RAP1GDS1: variants seen among roughly 807,000 people sequenced by gnomAD.
The protein encoded by RAP1GDS1 is Rap1 GTPase-GDP dissociation stimulator 1, also known as RAP1, GTP-GDP dissociation stimulator 1.
RAP1GDS1 carries 35 observed loss-of-function variants against 71.1 expected under a neutral mutation model. The observed-to-expected ratio is 0.49, with a 90% confidence interval of 0.38 to 0.65. The LOEUF (loss-of-function observed/expected upper bound fraction) is 0.65, where lower values mean the gene tolerates loss of function less well. Ranked by LOEUF, RAP1GDS1 falls within the 30% of genes least tolerant of loss-of-function variation. RAP1GDS1 has a pLI of 0.00. For synonymous variants in RAP1GDS1, 229 were observed against 243.1 expected, an observed-to-expected ratio of 0.94 and a Z score of 0.54; for missense variants, 663 against 706.1, an observed-to-expected ratio of 0.94 and a Z score of 0.69.
chr4:98,335,233 G>A (rs533447937), intron 2 of RAP1GDS1, among the ~76,000 whole-genome samples: 38 of 152,278 alleles, frequency 2.5e-4, no homozygotes, highest in African/African-American at 8.7e-4. Context: ...GCTGGTGACT[G>A]TCCTACTGGC....
chr4:98,326,567 T>A, intron 2 of RAP1GDS1, among the ~76,000 whole-genome samples: 1 of 152,244 alleles, frequency 6.6e-6, no homozygotes, highest in Non-Finnish European at 1.5e-5. Context: ...CTACAGATCT[T>A]AATCACTTCT....
At chr4:98,320,525 C>A (rs1444205048) in intron 2 of RAP1GDS1, among the ~76,000 whole-genome samples, 1 of 151,980 alleles carries the variant, frequency 6.6e-6, no homozygotes, top group Non-Finnish European at 1.5e-5. Flanking sequence ...GCATTTCCAT[C>A]TGAGCTTTGA....
chr4:98,347,257 A>G (rs1359999515), intron 3 of RAP1GDS1, among the ~76,000 whole-genome samples: 1 of 152,224 alleles, frequency 6.6e-6, no homozygotes, highest in African/African-American at 2.4e-5. Flanking sequence ...CACAGCCTGT[A>G]CTTTATGATG....
At chr4:98,388,059 AGAT>A (rs1157109516) in intron 5 of RAP1GDS1, among the ~76,000 whole-genome samples, 2 of 152,240 alleles carry the variant, frequency 1.3e-5, no homozygotes, top group African/African-American at 4.8e-5. Flanking sequence ...GCAATAAAAA[AGAT>A]GATCAAATGA....
intron 6 of RAP1GDS1, 97 bp downstream of exon 6, chr4:98,392,177 T>G (rs903847533): frequency 4.7e-5 from 53 of 1,132,336 alleles, no homozygotes; most frequent in Non-Finnish European, 6.3e-5. Flanking sequence ...TCCATTTAGA[T>G]TGTATTAGTT....
At chr4:98,304,117 T>A (rs375409781) in intron 2 of RAP1GDS1, among the ~76,000 whole-genome samples, 3 of 152,306 alleles carry the variant, frequency 2.0e-5, no homozygotes, top group African/African-American at 7.2e-5. Context: ...TTGGGTTGGT[T>A]CCATGTCTTT....
At chr4:98,391,826 C>G in intron 5 of RAP1GDS1, 126 bp from the exon 6 acceptor site, 1 of 922,616 alleles carries the variant, frequency 1.1e-6, no homozygotes. Context: ...ACTTCATTTT[C>G]TATTACTGTA....
At chr4:98,280,358 A>G (rs1724889927) in intron 1 of RAP1GDS1, among the ~76,000 whole-genome samples, 1 of 152,204 alleles carries the variant, frequency 6.6e-6, no homozygotes, top group Non-Finnish European at 1.5e-5. Flanking sequence ...TCTGATGACT[A>G]GTGATGATGA....
chr4:98,271,505 A>G (rs80288098), intron 1 of RAP1GDS1, among the ~76,000 whole-genome samples: 2,099 of 152,296 alleles, frequency 0.014, 44 homozygotes, highest in African/African-American at 0.048. Context: ...GAGGTAGCAC[A>G]TCATTATATA....
At chr4:98,377,160 A>G (rs1348306926) in intron 4 of RAP1GDS1, among the ~76,000 whole-genome samples, 1 of 151,880 alleles carries the variant, frequency 6.6e-6, no homozygotes, top group Non-Finnish European at 1.5e-5. Context: ...AGTAAGTCCT[A>G]AGCATACATG....
intron 2 of RAP1GDS1, among the ~76,000 whole-genome samples, chr4:98,325,092 C>G (rs1173175739): frequency 1.3e-5 from 2 of 151,560 alleles, no homozygotes; most frequent in Non-Finnish European, 2.9e-5. Context: ...ACAAACAACC[C>G]CATCAAAAAG....
At chr4:98,269,716 A>G (rs1034879107) in intron 1 of RAP1GDS1, among the ~76,000 whole-genome samples, 12 of 152,160 alleles carry the variant, frequency 7.9e-5, no homozygotes, top group Non-Finnish European at 2.9e-5. Flanking sequence ...CATGACACTC[A>G]AAGGAAATGC....
At position 98,313,748 on chromosome 4, in the gene RAP1GDS1, G is replaced by A. The variant is rs879814253; in HGVS notation, c.112+20233G>A. Reference sequence around the variant, plus strand: ...TGTGGTCCCATCTACTTGGGAGGCCGAGGTGAGAGGATCACTTCGGCCCAG... The same window carrying A: ...TGTGGTCCCATCTACTTGGGAGGCCAAGGTGAGAGGATCACTTCGGCCCAG... On this transcript the variant is annotated intron_variant, in intron 2 of 14. Transcript: ENST00000408927. 4.7e-4 allele frequency among the ~76,000 whole-genome samples: 72 copies of A among 152,188 alleles called. 1 individual carries two copies. The highest frequency in any genetic ancestry group is 3.9e-3 in the Admixed American group (60 of 15,286).
chr4:98,376,503 A>T (rs1162910248), intron 4 of RAP1GDS1, among the ~76,000 whole-genome samples: 1 of 152,094 alleles, frequency 6.6e-6, no homozygotes, highest in African/African-American at 2.4e-5. Context: ...GTTGTAAGAT[A>T]CTTCTAAAGA....
intron 2 of RAP1GDS1, among the ~76,000 whole-genome samples, chr4:98,311,679 C>T (rs1445966130): frequency 6.6e-6 from 1 of 152,200 alleles, no homozygotes; most frequent in Non-Finnish European, 1.5e-5. Flanking sequence ...CTTTGTCACC[C>T]AGGCTGGAGT....
chr4:98,430,179 C>A (rs1186932928), intron 12 of RAP1GDS1, among the ~76,000 whole-genome samples: 1 of 152,078 alleles, frequency 6.6e-6, no homozygotes, highest in Non-Finnish European at 1.5e-5. Context: ...TGGCATGGTA[C>A]CCTTTTAGGA....
intron 12 of RAP1GDS1, among the ~76,000 whole-genome samples, chr4:98,426,831 A>C (rs1446383762): frequency 6.6e-6 from 1 of 152,180 alleles, no homozygotes; most frequent in African/African-American, 2.4e-5. Flanking sequence ...ACTATTCCAA[A>C]AGATAGAGAA....
intron 4 of RAP1GDS1, among the ~76,000 whole-genome samples, chr4:98,370,873 A>G (rs933897579): frequency 7.2e-5 from 11 of 152,046 alleles, no homozygotes; most frequent in African/African-American, 2.7e-4. Context: ...GCCCAGCTGT[A>G]TTGAGGCTTT....
intron 5 of RAP1GDS1, among the ~76,000 whole-genome samples, chr4:98,388,423 C>T (rs1743088064): frequency 6.6e-6 from 1 of 152,128 alleles, no homozygotes; most frequent in Non-Finnish European, 1.5e-5. Context: ...CTCCCAATCT[C>T]TTATAAAAAT....
Sources: gnomAD v4.1 joint callset for allele counts (sites outside exome capture counted in the v4.1 genomes callset) on GRCh38, gnomAD v4.1.1 for gene constraint, MANE v1.5 for transcripts, NCBI Gene and HGNC (gene_info 2026-07-23, HGNC 2026-07-21) for gene names.